Variants in MORC3 observed in about 807,000 individuals in gnomAD.
The protein encoded by MORC3 is MORC family CW-type zinc finger 3.
Under a neutral mutation model 109.1 loss-of-function variants are expected in MORC3, and 31 were observed. The observed-to-expected ratio is 0.28, with a 90% CI of 0.21 to 0.38. The LOEUF is 0.38. MORC3 is among the 10% of genes least tolerant of loss of function. The pLI, the probability that MORC3 is intolerant of heterozygous loss-of-function variation, is 1.00. For synonymous variants in MORC3, 395 were observed against 380.7 expected (o/e 1.04, Z -0.44); for missense variants, 867 against 1,135.8 (o/e 0.76, Z 3.40).
chr21:36,341,168 C>G (rs1222619339), intron 5 of MORC3, among the ~76,000 whole-genome samples: 2 of 152,180 alleles, frequency 1.3e-5, no homozygotes, highest in African/African-American at 2.4e-5. Context: ...AAATGCCAGA[C>G]TGTTTTCCTG....
chr21:36,355,079 G>A lies in MORC3; in HGVS notation c.1104-1541G>A, dbSNP rs137906468. On this transcript the variant is annotated intron_variant, in intron 9 of 16. Coordinates refer to ENST00000400485, the MANE Select transcript of MORC3 (RefSeq NM_015358.3). ...ACAGCTTTTTCTGTACTTAATAATG[G>A]CATCGTTATTCTAGACTTTCATGAT... 1.3e-3 allele frequency among the ~76,000 whole-genome samples: 198 copies of A among 152,182 alleles called. 1 individual carries two copies. Among genetic ancestry groups the A allele is most frequent in the East Asian group, 0.012 (62 of 5,178 alleles).
At chr21:36,337,094 T>A in intron 3 of MORC3, 88 bp downstream of exon 3, 1 of 1,473,910 alleles carries the variant, frequency 6.8e-7, no homozygotes, top group Admixed American at 2.0e-5. Context: ...GGTTTTTGTT[T>A]TTTGAAATGA....
chr21:36,322,684 A>G (rs920727943), intron 1 of MORC3, among the ~76,000 whole-genome samples: 28 of 152,192 alleles, frequency 1.8e-4, no homozygotes, highest in Middle Eastern at 3.2e-3. Context: ...ATGTATACAC[A>G]TTTTAAACAG....
rs747178588 is a variant in MORC3, at chr21:36,375,242, T to C, written c.2766T>C (p.Val922=). The change falls in exon 17 of 17, where the codon GTT becomes GTC. Residue 922 remains valine, a synonymous_variant. Transcript: ENST00000400485. Reference sequence around the variant, plus strand: ...AAGTGAATTACGATGTTGATGTAGTTGATGAGATTTTAGGACAAGTTGTTG... The same window carrying C: ...AAGTGAATTACGATGTTGATGTAGTCGATGAGATTTTAGGACAAGTTGTTG... ...LQQVNYDVDV[V]DEILGQVVEQ... is the part of the protein sequence containing the mutation. The C allele has an allele frequency of 6.2e-7, 1 of 1,613,864 alleles. No individual in the cohort carries two copies. The highest frequency in any genetic ancestry group is 1.1e-5 in the South Asian group (1 of 91,064).
chr21:36,342,698 C>G (rs557807357), intron 6 of MORC3, among the ~76,000 whole-genome samples: 1 of 152,096 alleles, frequency 6.6e-6, no homozygotes, highest in Non-Finnish European at 1.5e-5. Flanking sequence ...GCCTCTGCAC[C>G]TGGTCAAAAT....
chr21:36,353,973 A>G (rs1040222164), intron 9 of MORC3, among the ~76,000 whole-genome samples: 1 of 151,298 alleles, frequency 6.6e-6, no homozygotes, highest in Non-Finnish European at 1.5e-5. Context: ...TTGGAGACTG[A>G]GGCAGGAGAA....
At position 36,364,148 on chromosome 21, in the gene MORC3, CT is replaced by C; in HGVS notation, c.1509del (p.Pro504LeufsTer22). Reference sequence around the variant, plus strand: ...GCTCTTTCAACTCCAAGCTTTTCTTCTCCTAAGGAAAGTGTTCCAAGAAGAC... The same window carrying C: ...GCTCTTTCAACTCCAAGCTTTTCTTCCCTAAGGAAAGTGTTCCAAGAAGAC... ...PTALSTPSFSSPKESVPRRHL... is the reference protein window; with the variant it reads ...PTALSTPSFSXPKESVPRRHL... On this transcript the variant is annotated frameshift_variant, in exon 14 of 17. Coordinates refer to ENST00000400485, the MANE Select transcript of MORC3 (RefSeq NM_015358.3). LOFTEE classifies it high-confidence loss of function. 6.2e-7 allele frequency: 1 copy of C among 1,614,096 alleles called. No individual in the cohort carries two copies. The highest frequency in any genetic ancestry group is 8.5e-7 in the Non-Finnish European group (1 of 1,179,978).
chr21:36,320,319 G>T lies in MORC3; in HGVS notation c.39+16G>T. The T allele has an allele frequency of 1.3e-6, 2 of 1,512,072 alleles. No individual in the cohort carries two copies. Among genetic ancestry groups the T allele is most frequent in the South Asian group, 1.2e-5 (1 of 81,772 alleles). 93.7% of individuals were successfully genotyped at this position (1,512,072 alleles called of 1,614,324 possible). Reference sequence around the variant, plus strand: ...CCTCAGCGCGGTGAGCAGCCGCGAGGGGTGGAGCGGGCCGTGTCCCAGGAG... The same window carrying T: ...CCTCAGCGCGGTGAGCAGCCGCGAGTGGTGGAGCGGGCCGTGTCCCAGGAG... On this transcript the variant is annotated intron_variant, in intron 1 of 16. Transcript: ENST00000400485.
intron 2 of MORC3, among the ~76,000 whole-genome samples, chr21:36,334,116 A>G (rs1480473386): frequency 6.6e-6 from 1 of 151,196 alleles, no homozygotes; most frequent in Non-Finnish European, 1.5e-5. Context: ...TCAGCTGGGT[A>G]TGGTGGTGCA....
rs2085931252 is a variant in MORC3, at chr21:36,376,588, A to C, written c.*1292A>C. ...TTTCTGTCACAATTGTAATTTCCCA[A>C]ATTTTAAAATATCTTATAATAAAAT... On this transcript the variant is annotated 3_prime_UTR_variant, in exon 17 of 17. Transcript: ENST00000400485. The C allele has an allele frequency of 6.6e-6, 1 of 152,134 alleles. No homozygotes were observed. The highest frequency in any genetic ancestry group is 2.4e-5 in the African/African-American group (1 of 41,436). The allele number at this position is 152,134 out of a possible 1,614,324, so 9.4% of individuals were successfully genotyped here. A position where few individuals can be genotyped will look rare whatever the true frequency, so the allele number is the denominator to read the frequency against.
chr21:36,368,928 A>G (rs2085813362), intron 14 of MORC3, 60 bp from the exon 15 acceptor site: 41 of 1,393,064 alleles, frequency 2.9e-5, no homozygotes, highest in Non-Finnish European at 3.8e-5. Context: ...GATTACTTCA[A>G]GGTCATCTAT....
Position 36,344,985 on chromosome 21 carries a change from G to A in MORC3, c.959G>A (p.Arg320Lys). Residue 320 changes from arginine (R) to lysine (K), a missense_variant, in exon 8 of 17, where the codon AGA (arginine) becomes AAA (lysine). Transcript: ENST00000400485. ...CATTATGGGATAATGATGTATCACA[G>A]AAATAGACTCATCAAAGCTTATGAA... ...KDHYGIMMYHRNRLIKAYEKV... is the reference protein window; with the variant it reads ...KDHYGIMMYHKNRLIKAYEKV... The A allele has an allele frequency of 6.2e-7, 1 of 1,611,204 alleles. No individual in the cohort carries two copies. The highest frequency in any genetic ancestry group is 2.2e-5 in the East Asian group (1 of 44,822).
chr21:36,326,805 T>A (rs1444516192), intron 1 of MORC3, among the ~76,000 whole-genome samples: 1 of 151,908 alleles, frequency 6.6e-6, no homozygotes, highest in East Asian at 1.9e-4. Flanking sequence ...AAGACAACAT[T>A]ATAAATTTAA....
At chr21:36,338,277 A>G (rs1341998915) in intron 4 of MORC3, among the ~76,000 whole-genome samples, 2 of 152,248 alleles carry the variant, frequency 1.3e-5, no homozygotes, top group Non-Finnish European at 2.9e-5. Context: ...ACTTTAGGAA[A>G]ATGCCTTTTG....
chr21:36,328,194 T>A (rs1336144381), intron 1 of MORC3, among the ~76,000 whole-genome samples: 1 of 152,072 alleles, frequency 6.6e-6, no homozygotes, highest in Non-Finnish European at 1.5e-5. Context: ...ATTTTTTATT[T>A]CACATTTACA....
At chr21:36,325,234 G>A (rs1337004999) in intron 1 of MORC3, among the ~76,000 whole-genome samples, 3 of 152,054 alleles carry the variant, frequency 2.0e-5, no homozygotes, top group African/African-American at 7.2e-5. Context: ...TTTAAAAAAC[G>A]AGAACAACAA....
intron 2 of MORC3, among the ~76,000 whole-genome samples, chr21:36,334,831 G>A (rs1263975317): frequency 1.3e-5 from 2 of 152,038 alleles, no homozygotes; most frequent in Non-Finnish European, 2.9e-5. Flanking sequence ...TTTTTCTTGG[G>A]AAAAATTCAT....
At chr21:36,323,166 T>C (rs2085211134) in intron 1 of MORC3, among the ~76,000 whole-genome samples, 1 of 152,170 alleles carries the variant, frequency 6.6e-6, no homozygotes, top group South Asian at 2.1e-4. Flanking sequence ...TTTGGGGACT[T>C]CCCTTTAACA....
In MORC3 at chr21:36,370,663, T is replaced by C. The variant is rs1370804735; in HGVS notation, c.2508+787T>C. 3.5e-3 allele frequency among the ~76,000 whole-genome samples: 422 copies of C among 121,110 alleles called. 2 individuals carry two copies. The highest frequency in any genetic ancestry group is 4.7e-3 in the Non-Finnish European group (275 of 58,320). The allele number at this position is 121,110 out of a possible 152,430, so 79.5% of individuals were successfully genotyped here. Reference sequence around the variant, plus strand: ...TATTTTTTTTTTTTTTTTTTTTTTTTTTTTTTTTCTTCTTCTTCTTGAGAC... The same window carrying C: ...TATTTTTTTTTTTTTTTTTTTTTTTCTTTTTTTTCTTCTTCTTCTTGAGAC... On this transcript the variant is annotated intron_variant, in intron 15 of 16. Coordinates refer to ENST00000400485, the MANE Select transcript of MORC3 (RefSeq NM_015358.3).
Sources: allele counts gnomAD v4.1 joint callset (sites outside exome capture counted in the v4.1 genomes callset), GRCh38; gene constraint gnomAD v4.1.1; transcripts MANE v1.5; gene names NCBI Gene and HGNC (gene_info 2026-07-23, HGNC 2026-07-21).